Variants in PDK3 observed in about 807,000 individuals in gnomAD.
The protein encoded by PDK3 is pyruvate dehydrogenase kinase, isozyme 3.
PDK3 carries 12 observed loss-of-function variants against 32.0 expected under a neutral mutation model. The observed-to-expected ratio is 0.37, with a 90% CI of 0.24 to 0.61. The LOEUF (loss-of-function observed/expected upper bound fraction) is 0.61. Ranked by LOEUF, PDK3 falls within the 20% of genes least tolerant of loss-of-function variation. The pLI is 0.65. For missense variants in PDK3, 188 were observed against 316.9 expected, an observed-to-expected ratio of 0.59 and a Z score of 3.09; for synonymous variants, 122 against 116.3, an observed-to-expected ratio of 1.05 and a Z score of -0.31.
exon 12 of PDK3, among the ~76,000 whole-genome samples, chrX:24,544,476 G>A (rs1217076525): frequency 9.0e-6 from 1 of 111,653 alleles, no homozygotes; most frequent in Non-Finnish European, 1.9e-5. Flanking sequence ...GATCTCAACC[G>A]CCTGTCCTCG....
chrX:24,481,188 C>T (rs1037198525), intron 1 of PDK3, among the ~76,000 whole-genome samples: 24 of 110,209 alleles, frequency 2.2e-4, no homozygotes, highest in South Asian at 3.8e-4. Context: ...GGACTGCAGG[C>T]GCCCGCCACT....
At position 24,465,469 on chromosome X, in the gene PDK3, G is replaced by T; in HGVS notation, c.14G>T (p.Arg5Leu). The change falls in exon 1 of 11, where the codon CGG becomes CTG. Residue 5 changes from arginine to leucine, a missense_variant. Arg to Leu is a moderately radical substitution (Grantham distance 102). Coordinates refer to ENST00000379162, the MANE Select transcript of PDK3 (RefSeq NM_005391.5). MRLFRWLLKQPVPKQ... is the reference protein window; with the variant it reads MRLFLWLLKQPVPKQ... Reference sequence around the variant, plus strand: ...GCCCGGGCGAGGATGCGGCTGTTCCGGTGGCTGCTGAAGCAGCCGGTGCCC... The same window carrying T: ...GCCCGGGCGAGGATGCGGCTGTTCCTGTGGCTGCTGAAGCAGCCGGTGCCC... 1 of 1,204,033 alleles carries T rather than the reference G, an allele frequency of 8.3e-7. No homozygotes were observed. Among genetic ancestry groups the T allele is most frequent in the Non-Finnish European group, 1.1e-6 (1 of 890,353 alleles).
intron 1 of PDK3, among the ~76,000 whole-genome samples, chrX:24,481,210 A>G (rs1386680306): frequency 9.1e-6 from 1 of 110,346 alleles, no homozygotes; most frequent in African/African-American, 3.3e-5. Context: ...CACGCGGCTA[A>G]TTTTTTGTAT....
chrX:24,485,532 A>G (rs1176600047), intron 1 of PDK3, among the ~76,000 whole-genome samples: 3 of 110,822 alleles, frequency 2.7e-5, no homozygotes, highest in African/African-American at 9.9e-5. Flanking sequence ...GCAGCAGACC[A>G]GTAGCGGGCA....
At chrX:24,511,601 A>G (rs1922119134) in intron 5 of PDK3, among the ~76,000 whole-genome samples, 1 of 111,623 alleles carries the variant, frequency 9.0e-6, no homozygotes, top group African/African-American at 3.3e-5. Context: ...TAATCCCAAC[A>G]CTTTGGGAGG....
At chrX:24,533,873 C>T (rs1922712568) in intron 10 of PDK3, 56 bp from the exon 11 acceptor site, 1 of 1,108,185 alleles carries the variant, frequency 9.0e-7, no homozygotes. Context: ...GTTACTATTT[C>T]ACTTGAGAAA....
At chrX:24,496,431 G>A (rs1359458003) in intron 2 of PDK3, among the ~76,000 whole-genome samples, 1 of 110,242 alleles carries the variant, frequency 9.1e-6, no homozygotes, top group Non-Finnish European at 1.9e-5. Context: ...ACTTTAGCAT[G>A]TATTTCATTG....
chrX:24,517,596 C>T (rs992089305), intron 5 of PDK3, among the ~76,000 whole-genome samples: 2 of 112,704 alleles, frequency 1.8e-5, no homozygotes, highest in Middle Eastern at 4.6e-3. Context: ...AGTGTTAAGA[C>T]ACAAACGCTG....
At chrX:24,535,237 G>T (rs778516954), downstream of PDK3, among the ~76,000 whole-genome samples, 2 of 112,131 alleles carry the variant, frequency 1.8e-5, no homozygotes, top group East Asian at 5.6e-4. Context: ...GGGCGCAGTG[G>T]CTCACGCCAG....
At chrX:24,545,332 T>G (rs1922974692) in exon 12 of PDK3, among the ~76,000 whole-genome samples, 4 of 112,189 alleles carry the variant, frequency 3.6e-5, no homozygotes, top group African/African-American at 1.3e-4. Context: ...TCAGGATTCC[T>G]TTTGGTTTCT....
At chrX:24,496,939 G>A (rs1393048263) in intron 2 of PDK3, among the ~76,000 whole-genome samples, 1 of 106,793 alleles carries the variant, frequency 9.4e-6, no homozygotes, top group Non-Finnish European at 1.9e-5. Context: ...CCGCCACCAT[G>A]CCCTGCTAAT....
At chrX:24,481,442 G>C (rs752496109) in intron 1 of PDK3, among the ~76,000 whole-genome samples, 2 of 112,218 alleles carry the variant, frequency 1.8e-5, no homozygotes, top group South Asian at 7.3e-4. Context: ...ATAAATAACT[G>C]TATAGAGAGA....
At chrX:24,473,426 AATTT>A (rs200252366) in intron 1 of PDK3, among the ~76,000 whole-genome samples, 3 of 105,157 alleles carry the variant, frequency 2.9e-5, no homozygotes, top group South Asian at 4.5e-4. Context: ...ACATTTGTTG[AATTT>A]ATTTATTTAT....
At chrX:24,489,732 G>GA (rs1921505595) in intron 1 of PDK3, among the ~76,000 whole-genome samples, 1 of 99,393 alleles carries the variant, frequency 1.0e-5, no homozygotes, top group Non-Finnish European at 2.1e-5. Flanking sequence ...AACAAACAAA[G>GA]AAAAAAACAA....
At chrX:24,483,639 G>A (rs985751982) in intron 1 of PDK3, among the ~76,000 whole-genome samples, 2 of 111,937 alleles carry the variant, frequency 1.8e-5, no homozygotes, top group Non-Finnish European at 3.8e-5. Flanking sequence ...TTGAACCTCT[G>A]AATTTTATTT....
At chrX:24,510,777 G>A (rs1332969517) in intron 5 of PDK3, among the ~76,000 whole-genome samples, 1 of 111,853 alleles carries the variant, frequency 8.9e-6, no homozygotes, top group East Asian at 2.8e-4. Context: ...CCAGCCAAGT[G>A]TGCATAACCT....
At chrX:24,512,267 A>G (rs960402233) in intron 5 of PDK3, among the ~76,000 whole-genome samples, 1 of 112,286 alleles carries the variant, frequency 8.9e-6, no homozygotes, top group Non-Finnish European at 1.9e-5. Context: ...TTTTGAAAGT[A>G]TAAACTTAAA....
intron 1 of PDK3, among the ~76,000 whole-genome samples, chrX:24,474,383 T>TTTTTTTTA (rs367964670): frequency 2.0e-3 from 191 of 96,804 alleles, no homozygotes; most frequent in African/African-American, 6.8e-3. Flanking sequence ...TATAAGTTTA[T>TTTTTTTTA]TTTATTTATT....
exon 12 of PDK3, chrX:24,547,245 G>A (rs1054370919): frequency 2.7e-5 from 3 of 112,471 alleles, no homozygotes; most frequent in Non-Finnish European, 5.6e-5. Flanking sequence ...ACGTGAGATA[G>A]TAAATTTGTG....
Sources: allele counts gnomAD v4.1 joint callset (sites outside exome capture counted in the v4.1 genomes callset), GRCh38; gene constraint gnomAD v4.1.1; transcripts MANE v1.5; gene names NCBI Gene and HGNC (gene_info 2026-07-23, HGNC 2026-07-21).